The following PFKFB3 variants were observed in gnomAD, a reference collection of about 807,000 sequenced individuals.
PFKFB3 encodes 6-phosphofructo-2-kinase/fructose-2,6-bisphosphatase 3.
In PFKFB3, 33 loss-of-function variants were observed where a neutral mutation model predicts 68.0. That is an observed-to-expected ratio of 0.49 (90% CI 0.37 to 0.65). The LOEUF (loss-of-function observed/expected upper bound fraction) is 0.65, where lower values mean the gene tolerates loss of function less well. Ranked by LOEUF, PFKFB3 falls within the 30% of genes least tolerant of loss-of-function variation. The pLI, the probability that PFKFB3 is intolerant of heterozygous loss-of-function variation, is 0.00. For synonymous variants in PFKFB3, 315 were observed against 288.2 expected, an observed-to-expected ratio of 1.09 and a Z score of -0.94; for missense variants, 586 against 712.2, an observed-to-expected ratio of 0.82 and a Z score of 2.02.
At chr10:6,282,125 A>G in the PFKFB3 span, among the ~76,000 whole-genome samples, 1 of 152,048 alleles carries the variant, frequency 6.6e-6, no homozygotes, top group Non-Finnish European at 1.5e-5. Context: ...ACACACCACC[A>G]TGCCCGGCTG....
intron 14 of PFKFB3, among the ~76,000 whole-genome samples, chr10:6,248,767 T>C (rs1846313551): frequency 1.3e-5 from 2 of 152,034 alleles, no homozygotes; most frequent in Non-Finnish European, 2.9e-5. Context: ...TGCATTCATG[T>C]GGATTAGGAA....
chr10:6,292,366 G>A, the PFKFB3 span, among the ~76,000 whole-genome samples: 4 of 126,450 alleles, frequency 3.2e-5, no homozygotes, highest in Non-Finnish European at 4.8e-5. Flanking sequence ...CTCACTGCAA[G>A]CTCCGCCTCC....
At chr10:6,188,035 G>A (rs1386288877) in intron 1 of PFKFB3, among the ~76,000 whole-genome samples, 1 of 151,648 alleles carries the variant, frequency 6.6e-6, no homozygotes, top group Non-Finnish European at 1.5e-5. Context: ...CTCATAAAGA[G>A]GAAGAGAAAA....
intron 1 of PFKFB3, among the ~76,000 whole-genome samples, chr10:6,177,356 CTT>C (rs1564599383): frequency 5.6e-5 from 4 of 70,902 alleles, no homozygotes; most frequent in Non-Finnish European, 1.3e-4. Flanking sequence ...TTTCTTTTCT[CTT>C]TCTTTCTTTC....
intron 14 of PFKFB3, among the ~76,000 whole-genome samples, chr10:6,242,276 A>T (rs1258967036): frequency 6.6e-6 from 1 of 152,160 alleles, no homozygotes; most frequent in Non-Finnish European, 1.5e-5. Context: ...ACTCATGATC[A>T]TTCCTTTGTA....
chr10:6,250,550 G>A (rs768171146), intron 14 of PFKFB3, among the ~76,000 whole-genome samples: 5 of 148,970 alleles, frequency 3.4e-5, no homozygotes, highest in South Asian at 2.2e-4. Context: ...CAGCCTGGGC[G>A]ACAGAGCGAG....
chr10:6,202,924 G>C (rs1032904262), upstream of PFKFB3: 13 of 1,198,644 alleles, frequency 1.1e-5, no homozygotes, highest in Non-Finnish European at 1.2e-5. Context: ...CGGTGCGCGG[G>C]GCATCCCAGC....
intron 7 of PFKFB3, 85 bp downstream of exon 7, chr10:6,219,778 T>C: frequency 6.8e-7 from 1 of 1,477,830 alleles, no homozygotes. Flanking sequence ...GATTTGCTCC[T>C]GGATACCTTT....
intron 14 of PFKFB3, among the ~76,000 whole-genome samples, chr10:6,242,753 A>G (rs1339231068): frequency 6.6e-6 from 1 of 152,014 alleles, no homozygotes; most frequent in Non-Finnish European, 1.5e-5. Flanking sequence ...ACACCCAGCT[A>G]ATTTTTGTAT....
chr10:6,279,720 G>A, the PFKFB3 span, among the ~76,000 whole-genome samples: 1 of 152,208 alleles, frequency 6.6e-6, no homozygotes, highest in South Asian at 2.1e-4. Flanking sequence ...CTAGCTCCGG[G>A]GACACCAGGA....
rs887175140 is a variant in PFKFB3 at position 6,235,125 on chromosome 10, T to C, written c.*2183T>C. On this transcript the variant is annotated 3_prime_UTR_variant, in exon 15 of 15. Transcript: ENST00000379775. The stretch of plus-strand genomic sequence containing the variant: ...ATAACGGGGACCAATATTTTTAACT[T>C]TGCCTATTTGTTTTTGGGTGAGTTT... 10 of 152,724 alleles carry C rather than the reference T, an allele frequency of 6.5e-5. No homozygotes were observed. The highest frequency in any genetic ancestry group is 2.4e-4 in the African/African-American group (10 of 41,434). 9.5% of individuals were successfully genotyped at this position (152,724 alleles called of 1,614,324 possible). A position where few individuals can be genotyped will look rare whatever the true frequency, so the allele number is the denominator to read the frequency against.
chr10:6,153,033 T>A (rs1242256861), intron 1 of PFKFB3, among the ~76,000 whole-genome samples: 2 of 151,784 alleles, frequency 1.3e-5, no homozygotes, highest in African/African-American at 4.8e-5. Flanking sequence ...TACAAAAAAA[T>A]TAGCTGTGCA....
intron 1 of PFKFB3, among the ~76,000 whole-genome samples, chr10:6,208,213 G>C (rs1843919885): frequency 6.6e-6 from 1 of 151,804 alleles, no homozygotes; most frequent in South Asian, 2.1e-4. Flanking sequence ...CTGGGACTAG[G>C]GGCATGTGCT....
At chr10:6,266,803 C>T in the PFKFB3 span, among the ~76,000 whole-genome samples, 1 of 152,190 alleles carries the variant, frequency 6.6e-6, no homozygotes, top group Non-Finnish European at 1.5e-5. Flanking sequence ...GAGCATTAAC[C>T]CAAATAAAGG....
chr10:6,151,138 G>C (rs1841566586), intron 1 of PFKFB3, among the ~76,000 whole-genome samples: 1 of 152,180 alleles, frequency 6.6e-6, no homozygotes, highest in Admixed American at 6.5e-5. Flanking sequence ...CCCAGTCTGT[G>C]GAACACCATC....
chr10:6,159,855 C>A (rs1841921482), intron 1 of PFKFB3, among the ~76,000 whole-genome samples: 1 of 151,818 alleles, frequency 6.6e-6, no homozygotes, highest in African/African-American at 2.4e-5. Context: ...ACCTGCCAGG[C>A]TCAAGCAATC....
intron 1 of PFKFB3, among the ~76,000 whole-genome samples, chr10:6,177,981 GA>G (rs1262229854): frequency 2.0e-5 from 3 of 152,218 alleles, no homozygotes; most frequent in African/African-American, 7.2e-5. Context: ...GTGCACACGT[GA>G]GGGTGGATAT....
At chr10:6,183,293 G>C (rs1008231676) in intron 1 of PFKFB3, among the ~76,000 whole-genome samples, 1 of 152,168 alleles carries the variant, frequency 6.6e-6, no homozygotes, top group Non-Finnish European at 1.5e-5. Context: ...TTTGGGGTTG[G>C]CTTATTCTAG....
At chr10:6,282,829 A>T in the PFKFB3 span, among the ~76,000 whole-genome samples, 583 of 152,302 alleles carry the variant, frequency 3.8e-3, 5 homozygotes, top group African/African-American at 0.013. Context: ...TTCAGCGATA[A>T]GAGTATAGAA....
Sources: allele counts gnomAD v4.1 joint callset (sites outside exome capture counted in the v4.1 genomes callset), GRCh38; gene constraint gnomAD v4.1.1; transcripts MANE v1.5; gene names NCBI Gene and HGNC (gene_info 2026-07-23, HGNC 2026-07-21).